The following RFTN1 variants were observed in gnomAD, a reference collection of about 807,000 sequenced individuals.
RFTN1 encodes raftlin.
A neutral mutation model predicts 46.5 loss-of-function variants in RFTN1; 26 were observed. The observed-to-expected ratio is 0.56, with a 90% CI of 0.41 to 0.78. The LOEUF (loss-of-function observed/expected upper bound fraction) is 0.78. RFTN1 is among the 30% of genes least tolerant of loss of function. RFTN1 has a pLI of 0.00. For missense variants in RFTN1, 693 were observed against 718.7 expected, an observed-to-expected ratio of 0.96 and a Z score of 0.41; for synonymous variants, 261 against 284.2, an observed-to-expected ratio of 0.92 and a Z score of 0.82.
chr3:16,386,115 T>A (rs1214311378), intron 4 of RFTN1, among the ~76,000 whole-genome samples: 1 of 152,244 alleles, frequency 6.6e-6, no homozygotes, highest in Non-Finnish European at 1.5e-5. Context: ...AGTCTGTTAG[T>A]TCTGTGGCTG....
intron 4 of RFTN1, among the ~76,000 whole-genome samples, chr3:16,378,552 A>G (rs2073872205): frequency 6.6e-6 from 1 of 152,204 alleles, no homozygotes; most frequent in Admixed American, 6.5e-5. Context: ...ATATAACCAT[A>G]TACAAACAAC....
intron 2 of RFTN1, among the ~76,000 whole-genome samples, chr3:16,455,102 C>A (rs1005551000): frequency 3.3e-5 from 5 of 152,180 alleles, no homozygotes; most frequent in African/African-American, 1.2e-4. Context: ...CAGGCTTTGT[C>A]TCCACGCCAT....
chr3:16,416,814 GT>G (rs2125460305), intron 3 of RFTN1, among the ~76,000 whole-genome samples: 1 of 152,200 alleles, frequency 6.6e-6, no homozygotes, highest in African/African-American at 2.4e-5. Flanking sequence ...GCTTCCTCTG[GT>G]CAGAAAAACT....
intron 2 of RFTN1, among the ~76,000 whole-genome samples, chr3:16,464,482 A>C (rs1042454562): frequency 1.3e-5 from 2 of 152,210 alleles, no homozygotes; most frequent in African/African-American, 4.8e-5. Flanking sequence ...AGTTTGCCTC[A>C]AACTACCCAA....
chr3:16,420,659 C>T (rs1201139010), intron 3 of RFTN1, among the ~76,000 whole-genome samples: 2 of 152,176 alleles, frequency 1.3e-5, no homozygotes, highest in South Asian at 2.1e-4. Flanking sequence ...GTAAAATAGC[C>T]ACTACGGTTT....
Position 16,327,663 on chromosome 3 carries a change from A to G in RFTN1, c.1147-787T>C, listed in dbSNP as rs1379840523. ...GTAGTCCCAGCTACTCGGGAGGCTG[A>G]GGCAGGAGAATGGCGTGAACCCGGG... On this transcript the variant is annotated intron_variant, in intron 7 of 9. Coordinates refer to ENST00000334133, the MANE Select transcript of RFTN1 (RefSeq NM_015150.2). This position sits in a 1 kb window ranked among gnomAD's most constrained non-coding sequence, Gnocchi z 4.2. Among the ~76,000 whole-genome samples the G allele has an allele frequency of 6.6e-6, 1 of 152,030 alleles. No homozygotes were observed. The highest frequency in any genetic ancestry group is 2.4e-5 in the African/African-American group (1 of 41,392).
chr3:16,511,607 C>T (rs766870761), intron 1 of RFTN1, among the ~76,000 whole-genome samples: 17 of 152,102 alleles, frequency 1.1e-4, no homozygotes, highest in Non-Finnish European at 2.2e-4. Flanking sequence ...TTTGGCAAAG[C>T]ACCATGCCCC....
At position 16,404,280 on chromosome 3, in the gene RFTN1, G is replaced by A. The variant is rs867847826; in HGVS notation, c.441+5095C>T. 4.3e-3 allele frequency among the ~76,000 whole-genome samples: 22 copies of A among 5,142 alleles called. 4 individuals carry two copies. Among genetic ancestry groups the A allele is most frequent in the African/African-American group, 6.0e-3 (6 of 998 alleles). 3.4% of individuals were successfully genotyped at this position (5,142 alleles called of 152,430 possible). A position where few individuals can be genotyped will look rare whatever the true frequency, so the allele number is the denominator to read the frequency against. On this transcript the variant is annotated intron_variant, in intron 4 of 9. Coordinates refer to ENST00000334133, the MANE Select transcript of RFTN1 (RefSeq NM_015150.2). ...ATATAATATATAATATATATAATAT[G>A]TAATATATAATATATATAATATGTA... is the stretch of plus-strand genomic sequence containing the variant.
chr3:16,503,209 G>C (rs369688218), intron 1 of RFTN1, among the ~76,000 whole-genome samples: 1 of 152,096 alleles, frequency 6.6e-6, no homozygotes, highest in African/African-American at 2.4e-5. Flanking sequence ...CTCCCACTCA[G>C]AACCTGCTAC....
intron 4 of RFTN1, among the ~76,000 whole-genome samples, chr3:16,394,322 G>A (rs1465854976): frequency 1.3e-5 from 2 of 152,170 alleles, no homozygotes; most frequent in Non-Finnish European, 2.9e-5. Flanking sequence ...GCTGTAGTGA[G>A]CTATGACTGC....
intron 1 of RFTN1, among the ~76,000 whole-genome samples, chr3:16,505,900 G>A (rs2076796712): frequency 6.6e-6 from 1 of 152,176 alleles, no homozygotes; most frequent in East Asian, 1.9e-4. Context: ...TAAGTAATGA[G>A]CACTTACTAT....
intron 3 of RFTN1, among the ~76,000 whole-genome samples, chr3:16,416,602 A>T (rs2075085450): frequency 6.6e-6 from 1 of 152,224 alleles, no homozygotes; most frequent in African/African-American, 2.4e-5. Flanking sequence ...GTTAAATCTC[A>T]AGTTATTCCT....
chr3:16,464,563 C>T (rs1244763168), intron 2 of RFTN1, among the ~76,000 whole-genome samples: 1 of 152,202 alleles, frequency 6.6e-6, no homozygotes, highest in African/African-American at 2.4e-5. Context: ...TAGTTCCCCC[C>T]CATATAAACT....
intron 6 of RFTN1, among the ~76,000 whole-genome samples, chr3:16,364,667 A>C (rs56276358): frequency 0.062 from 9,419 of 152,286 alleles, 342 homozygotes; most frequent in Middle Eastern, 0.12. Context: ...AAAATAAATA[A>C]ATAAATAAAA....
At position 16,425,248 on chromosome 3, in the gene RFTN1, T is replaced by C. The variant is rs956489947; in HGVS notation, c.332+8603A>G. 6.6e-6 allele frequency among the ~76,000 whole-genome samples: 1 copy of C among 152,206 alleles called. No individual in the cohort carries two copies. The highest frequency in any genetic ancestry group is 2.4e-5 in the African/African-American group (1 of 41,444). ...AGTCAATTTTTACTTAAAGATTGTA[T>C]GTACATGTGGGAAGAGGGGGCCTCT... On this transcript the variant is annotated intron_variant, in intron 3 of 9. Coordinates refer to ENST00000334133, the MANE Select transcript of RFTN1 (RefSeq NM_015150.2). The surrounding 1 kb of genome is among the most constrained non-coding windows in gnomAD (Gnocchi z 4.3).
In RFTN1 at chr3:16,338,370, AC is replaced by A. The variant is rs948583409; in HGVS notation, c.1147-11495del. 2.0e-5 allele frequency among the ~76,000 whole-genome samples: 3 copies of A among 152,212 alleles called. No individual in the cohort carries two copies. Among genetic ancestry groups the A allele is most frequent in the Non-Finnish European group, 4.4e-5 (3 of 68,030 alleles). ...GGGGCGATGGCTGGGGCCAACTCTG[AC>A]CCGTAGCAGGGACAGGCACTGCAGT... On this transcript the variant is annotated intron_variant, in intron 7 of 9. Transcript: ENST00000334133. The surrounding 1 kb of genome is among the most constrained non-coding windows in gnomAD (Gnocchi z 5.3).
intron 7 of RFTN1, among the ~76,000 whole-genome samples, chr3:16,354,371 C>G (rs1158025244): frequency 6.6e-6 from 1 of 152,232 alleles, no homozygotes; most frequent in African/African-American, 2.4e-5. Flanking sequence ...CAAGATCTCT[C>G]CTCCATCTGC....
intron 3 of RFTN1, among the ~76,000 whole-genome samples, chr3:16,431,181 G>T (rs982656621): frequency 9.2e-5 from 14 of 152,174 alleles, no homozygotes; most frequent in African/African-American, 2.9e-4. Flanking sequence ...AGCCTAGAAC[G>T]CAGGCCTCCT....
chr3:16,332,558 C>T (rs116277326), intron 7 of RFTN1, among the ~76,000 whole-genome samples: 123 of 152,204 alleles, frequency 8.1e-4, no homozygotes, highest in African/African-American at 2.8e-3. Context: ...GATCTTACCA[C>T]GCCACGTTAG....
Sources: gnomAD v4.1 joint callset for allele counts (sites outside exome capture counted in the v4.1 genomes callset) on GRCh38, gnomAD v4.1.1 for gene constraint, Gnocchi (gnomAD v3.1) non-coding constraint, MANE v1.5 for transcripts, NCBI Gene and HGNC (gene_info 2026-07-23, HGNC 2026-07-21) for gene names.